The following MGAT4C variants were observed in gnomAD, a reference collection of about 807,000 sequenced individuals.
MGAT4C encodes alpha-1,3-mannosyl-glycoprotein 4-beta-N-acetylglucosaminyltransferase C.
In MGAT4C, 19 loss-of-function variants were observed where a neutral mutation model predicts 40.1. That is an observed-to-expected ratio of 0.47 (90% CI 0.33 to 0.70). The LOEUF (loss-of-function observed/expected upper bound fraction) is 0.70. Ranked by LOEUF, MGAT4C falls within the 30% of genes least tolerant of loss-of-function variation. MGAT4C has a pLI of 0.02. For missense variants in MGAT4C, 491 were observed against 563.2 expected, an observed-to-expected ratio of 0.87 and a Z score of 1.30; for synonymous variants, 181 against 187.1, an observed-to-expected ratio of 0.97 and a Z score of 0.27.
intron 2 of MGAT4C, among the ~76,000 whole-genome samples, chr12:86,636,631 A>G (rs1222344918): frequency 3.3e-5 from 5 of 152,034 alleles, no homozygotes; most frequent in African/African-American, 1.2e-4. Flanking sequence ...GGATTGGGAA[A>G]GATATTTTCA....
At chr12:86,587,603 G>A (rs1260771601) in intron 2 of MGAT4C, among the ~76,000 whole-genome samples, 1 of 151,866 alleles carries the variant, frequency 6.6e-6, no homozygotes, top group Non-Finnish European at 1.5e-5. Flanking sequence ...TCTTCCATTT[G>A]TTTGTCCTCT....
In MGAT4C at chr12:85,972,461, T is replaced by C. The variant is rs1883671703; in HGVS notation, c.*6828A>G. The C allele has an allele frequency of 6.6e-6, 1 of 151,094 alleles. No individual in the cohort carries two copies. Among genetic ancestry groups the C allele is most frequent in the Admixed American group, 6.6e-5 (1 of 15,118 alleles). 9.4% of individuals were successfully genotyped at this position (151,094 alleles called of 1,614,324 possible). A position where few individuals can be genotyped will look rare whatever the true frequency, so the allele number is the denominator to read the frequency against. ...ACAAAAAAAAAGACTTTAGGAGTTTTAATTATTTTTAATATATTGCTTCTT... is the reference window on the plus strand; with the variant it reads ...ACAAAAAAAAAGACTTTAGGAGTTTCAATTATTTTTAATATATTGCTTCTT... On this transcript the variant is annotated 3_prime_UTR_variant, in exon 5 of 5. Coordinates refer to ENST00000611864, the MANE Select transcript of MGAT4C (RefSeq NM_001351288.2).
At chr12:86,493,283 T>A (rs935997521) in intron 2 of MGAT4C, among the ~76,000 whole-genome samples, 1 of 151,638 alleles carries the variant, frequency 6.6e-6, no homozygotes, top group Non-Finnish European at 1.5e-5. Flanking sequence ...TTGACCCAGC[T>A]ATCCCATTAC....
At chr12:86,252,455 A>G (rs1445387798) in intron 1 of MGAT4C, among the ~76,000 whole-genome samples, 2 of 152,014 alleles carry the variant, frequency 1.3e-5, no homozygotes, top group East Asian at 3.9e-4. Context: ...TTCAACTGAT[A>G]GGTTCTACGT....
chr12:86,039,668 C>T (rs56240045), intron 2 of MGAT4C, among the ~76,000 whole-genome samples: 2,467 of 152,160 alleles, frequency 0.016, 29 homozygotes, highest in Middle Eastern at 0.034. Flanking sequence ...GGTTAGAACA[C>T]GCTCCTTTAG....
rs1432465798 is a variant in MGAT4C at position 85,967,358 on chromosome 12, A to G, written c.*11931T>C. 3 of 152,164 alleles carry G rather than the reference A, an allele frequency of 2.0e-5. No individual in the cohort carries two copies. The highest frequency in any genetic ancestry group is 7.2e-5 in the African/African-American group (3 of 41,462). The allele number at this position is 152,164 out of a possible 1,614,324, so 9.4% of individuals were successfully genotyped here. On this transcript the variant is annotated 3_prime_UTR_variant, in exon 5 of 5. Transcript: ENST00000611864. Reference sequence around the variant, plus strand: ...GGAATGTTTAAAGAAAAAACTGGTTATCTTGAAGCTGTCAAATAATTATAA... The same window carrying G: ...GGAATGTTTAAAGAAAAAACTGGTTGTCTTGAAGCTGTCAAATAATTATAA...
intron 2 of MGAT4C, among the ~76,000 whole-genome samples, chr12:86,029,167 C>T (rs1890512460): frequency 1.3e-5 from 2 of 151,762 alleles, no homozygotes; most frequent in Admixed American, 6.6e-5. Flanking sequence ...GTGTGCCAGG[C>T]TCTGTGTAAG....
chr12:86,447,600 G>C (rs1174362346), intron 2 of MGAT4C, among the ~76,000 whole-genome samples: 1 of 151,814 alleles, frequency 6.6e-6, no homozygotes, highest in Non-Finnish European at 1.5e-5. Flanking sequence ...AAGTTAGAGA[G>C]TAAAATAAAT....
At chr12:86,567,421 A>G (rs908896363) in intron 2 of MGAT4C, among the ~76,000 whole-genome samples, 3 of 152,192 alleles carry the variant, frequency 2.0e-5, no homozygotes, top group Admixed American at 1.3e-4. Context: ...GAAAAGAGTT[A>G]CAGTGTTGGC....
At chr12:86,295,272 T>C (rs1038857443) in intron 4 of MGAT4C, among the ~76,000 whole-genome samples, 7 of 152,200 alleles carry the variant, frequency 4.6e-5, no homozygotes, top group South Asian at 2.1e-4. Context: ...TATAAAATTA[T>C]TTGTGATAAC....
rs543125189 is a variant in MGAT4C, at chr12:86,680,933, T to C, written c.-229+46276A>G. ...AAAACAATCTTATTTATTATAAATT[T>C]GCAAGCATTTTTTTCTGGTATGTGA... On this transcript the variant is annotated intron_variant, in intron 2 of 7. Transcript: ENST00000548651. Among the ~76,000 whole-genome samples the C allele has an allele frequency of 7.2e-5, 11 of 152,148 alleles. No individual in the cohort carries two copies. The South Asian group carries it at 1.9e-3, about 26-fold the overall frequency.
chr12:86,640,107 A>G (rs140125825), intron 2 of MGAT4C, among the ~76,000 whole-genome samples: 1 of 151,862 alleles, frequency 6.6e-6, no homozygotes, highest in African/African-American at 2.4e-5. Context: ...TAATATAAAC[A>G]TAAACCTCAC....
At chr12:86,274,823 G>A (rs1367103845) in intron 4 of MGAT4C, among the ~76,000 whole-genome samples, 1 of 152,194 alleles carries the variant, frequency 6.6e-6, no homozygotes, top group Non-Finnish European at 1.5e-5. Flanking sequence ...ACAGAAGCAG[G>A]CTTGAAAGTC....
intron 2 of MGAT4C, among the ~76,000 whole-genome samples, chr12:86,621,027 C>G (rs981780563): frequency 8.6e-5 from 13 of 151,942 alleles, no homozygotes; most frequent in Admixed American, 1.3e-4. Flanking sequence ...TATGGTATGT[C>G]TTCATATCAA....
At chr12:85,984,001 T>C (rs1217241644) in intron 3 of MGAT4C, among the ~76,000 whole-genome samples, 2 of 152,236 alleles carry the variant, frequency 1.3e-5, no homozygotes, top group African/African-American at 4.8e-5. Context: ...TTTCAAATTT[T>C]TGACAATCAT....
intron 2 of MGAT4C, among the ~76,000 whole-genome samples, chr12:86,650,607 T>G (rs1162925488): frequency 1.3e-5 from 2 of 151,896 alleles, no homozygotes; most frequent in Non-Finnish European, 2.9e-5. Context: ...TCTTGCCCTC[T>G]AGTGGGTCTA....
intron 4 of MGAT4C, among the ~76,000 whole-genome samples, chr12:86,285,662 G>A (rs1953335054): frequency 7.7e-6 from 1 of 130,156 alleles, no homozygotes; most frequent in East Asian, 2.4e-4. Context: ...ACTACTATAT[G>A]TGCTCAAAAG....
At chr12:86,058,622 T>C (rs935714036) in intron 1 of MGAT4C, among the ~76,000 whole-genome samples, 5 of 152,088 alleles carry the variant, frequency 3.3e-5, no homozygotes, top group Non-Finnish European at 7.4e-5. Context: ...CTAAAACATT[T>C]GGTAACTTAT....
intron 2 of MGAT4C, among the ~76,000 whole-genome samples, chr12:86,515,738 CT>C (rs940550644): frequency 5.3e-3 from 705 of 133,422 alleles, no homozygotes; most frequent in Middle Eastern, 7.5e-3. Context: ...TAAAGCAATT[CT>C]TTTTTTTTTT....
Sources: gnomAD v4.1 joint callset for allele counts (sites outside exome capture counted in the v4.1 genomes callset) on GRCh38, gnomAD v4.1.1 for gene constraint, MANE v1.5 for transcripts, NCBI Gene and HGNC (gene_info 2026-07-23, HGNC 2026-07-21) for gene names.